Variants in MGMT observed in about 807,000 individuals in gnomAD.
MGMT encodes the protein O-6-methylguanine-DNA methyltransferase, also known as methylated-DNA--protein-cysteine methyltransferase.
A neutral mutation model predicts 15.9 loss-of-function variants in MGMT; 14 were observed. The observed-to-expected ratio is 0.88, with a 90% confidence interval of 0.58 to 1.37. MGMT has a LOEUF of 1.37. MGMT is among the 40% of genes most tolerant of loss of function. MGMT has a pLI of 0.00. For missense variants in MGMT, 282 were observed against 268.1 expected, an observed-to-expected ratio of 1.05 and a Z score of -0.36; for synonymous variants, 130 against 118.2, an observed-to-expected ratio of 1.10 and a Z score of -0.65.
At chr10:129,747,105 T>C (rs1198126640) in intron 3 of MGMT, among the ~76,000 whole-genome samples, 4 of 152,230 alleles carry the variant, frequency 2.6e-5, no homozygotes, top group Non-Finnish European at 4.4e-5. Flanking sequence ...CAGTGGTATA[T>C]AGAAAGGTGA....
chr10:129,744,951 G>A lies in MGMT; in HGVS notation c.275-14251G>A, dbSNP rs573503780. Among the ~76,000 whole-genome samples the A allele has an allele frequency of 1.6e-4, 24 of 152,284 alleles. 1 individual carries two copies. In the South Asian group the frequency reaches 3.3e-3, roughly 21 times the overall value. On this transcript the variant is annotated intron_variant, in intron 3 of 4. Transcript: ENST00000651593. The stretch of plus-strand genomic sequence containing the variant: ...TTCACCCAGTAGGCGCTTACTGTAT[G>A]TCTACTCTAGGTCATCCACAGTGCT...
intron 4 of MGMT, among the ~76,000 whole-genome samples, chr10:129,765,009 A>G (rs1013136994): frequency 6.6e-6 from 1 of 152,110 alleles, no homozygotes; most frequent in African/African-American, 2.4e-5. Context: ...AGAACCTTCC[A>G]GAGCGAGCTT....
At chr10:129,584,556 T>A (rs1846596970) in intron 2 of MGMT, among the ~76,000 whole-genome samples, 1 of 152,076 alleles carries the variant, frequency 6.6e-6, no homozygotes, top group African/African-American at 2.4e-5. Context: ...GTGTCCATCA[T>A]CACAGTGTAA....
At chr10:129,681,692 C>T (rs945098702) in intron 2 of MGMT, among the ~76,000 whole-genome samples, 7 of 151,992 alleles carry the variant, frequency 4.6e-5, no homozygotes, top group African/African-American at 1.7e-4. Context: ...ATATGAAAAC[C>T]GTGTATATGG....
intron 2 of MGMT, among the ~76,000 whole-genome samples, chr10:129,669,193 T>C (rs1445466924): frequency 6.6e-6 from 1 of 152,184 alleles, no homozygotes; most frequent in African/African-American, 2.4e-5. Flanking sequence ...TATTTTGTTT[T>C]ACTGCAATTT....
intron 2 of MGMT, among the ~76,000 whole-genome samples, chr10:129,635,736 A>G (rs1847257757): frequency 6.6e-6 from 1 of 152,216 alleles, no homozygotes; most frequent in Non-Finnish European, 1.5e-5. Flanking sequence ...GGGAGCCACT[A>G]GTGGTCACCT....
At chr10:129,763,063 A>C (rs1185257731) in intron 4 of MGMT, among the ~76,000 whole-genome samples, 3 of 152,214 alleles carry the variant, frequency 2.0e-5, no homozygotes, top group African/African-American at 7.2e-5. Flanking sequence ...AGGCCCCTTC[A>C]TGTTATTTTT....
chr10:129,535,992 G>GAATCGGGATACAGTA (rs1845979548), intron 1 of MGMT, among the ~76,000 whole-genome samples: 1 of 152,194 alleles, frequency 6.6e-6, no homozygotes, highest in Non-Finnish European at 1.5e-5. Context: ...TAAACGAGAA[G>GAATCGGGATACAGTA]AATCGGGATA....
chr10:129,712,531 G>A (rs78256753), intron 3 of MGMT, among the ~76,000 whole-genome samples: 3,825 of 152,074 alleles, frequency 0.025, 157 homozygotes, highest in African/African-American at 0.087. Flanking sequence ...TGTCTCCATC[G>A]AATTCCTCAT....
chr10:129,516,884 G>A (rs932945631), intron 1 of MGMT, among the ~76,000 whole-genome samples: 1 of 152,180 alleles, frequency 6.6e-6, no homozygotes, highest in Non-Finnish European at 1.5e-5. Context: ...ATGGAAATCC[G>A]CCATCGGTGA....
intron 2 of MGMT, among the ~76,000 whole-genome samples, chr10:129,537,581 A>T (rs1846000047): frequency 1.3e-5 from 2 of 151,778 alleles, no homozygotes; most frequent in Admixed American, 1.3e-4. Flanking sequence ...TTCTTTTGGG[A>T]AAAAGGTACA....
In MGMT at chr10:129,641,558, G is replaced by A. The variant is rs542880720; in HGVS notation, c.126-66337G>A. On this transcript the variant is annotated intron_variant, in intron 2 of 4. Transcript: ENST00000651593. The stretch of plus-strand genomic sequence containing the variant: ...CCTTCAAGAATGGTCATTAAATTCT[G>A]GATTTCACAGTTTCTTTTAGTTCGT... 3.9e-5 allele frequency among the ~76,000 whole-genome samples: 6 copies of A among 152,228 alleles called. No individual in the cohort carries two copies. In the East Asian group the frequency reaches 7.7e-4, roughly 20 times the overall value.
At chr10:129,698,744 T>C (rs936098278) in intron 2 of MGMT, among the ~76,000 whole-genome samples, 10 of 152,232 alleles carry the variant, frequency 6.6e-5, no homozygotes, top group Non-Finnish European at 1.3e-4. Context: ...AGGGGCCAAA[T>C]TGAGACTGGA....
At chr10:129,570,273 C>T (rs548588647) in intron 2 of MGMT, among the ~76,000 whole-genome samples, 1 of 152,248 alleles carries the variant, frequency 6.6e-6, no homozygotes, top group African/African-American at 2.4e-5. Flanking sequence ...TTTTGTTGTT[C>T]AAGAAATCCT....
intron 3 of MGMT, among the ~76,000 whole-genome samples, chr10:129,738,155 C>G (rs540055468): frequency 1.3e-5 from 2 of 152,330 alleles, no homozygotes; most frequent in Non-Finnish European, 2.9e-5. Flanking sequence ...CCCCAAGCCT[C>G]GCTGCCACCT....
chr10:129,524,055 A>G (rs938834444), intron 1 of MGMT, among the ~76,000 whole-genome samples: 3 of 152,180 alleles, frequency 2.0e-5, no homozygotes, highest in African/African-American at 7.2e-5. Flanking sequence ...GAGAAGGTGC[A>G]CTGGTACCTA....
intron 1 of MGMT, among the ~76,000 whole-genome samples, chr10:129,529,540 G>T (rs984935202): frequency 6.6e-6 from 1 of 152,192 alleles, no homozygotes; most frequent in African/African-American, 2.4e-5. Context: ...TTCCTAACAG[G>T]CCACGGACTG....
chr10:129,482,870 G>A (rs1292159679), intron 1 of MGMT, among the ~76,000 whole-genome samples: 1 of 152,132 alleles, frequency 6.6e-6, no homozygotes, highest in African/African-American at 2.4e-5. Context: ...TAAAATTGGA[G>A]TATTTAGACC....
Position 129,767,186 on chromosome 10 carries a change from T to C in MGMT, c.*189T>C. On this transcript the variant is annotated 3_prime_UTR_variant, in exon 5 of 5. Coordinates refer to ENST00000651593, the MANE Select transcript of MGMT (RefSeq NM_002412.5). ...CGCGGTCCTGCACACATTTGTTTCC[T>C]TCTCTAACGCTGCCCTTGCTCTATT... 1 of 534,518 alleles carries C rather than the reference T, an allele frequency of 1.9e-6. No homozygotes were observed. The highest frequency in any genetic ancestry group is 3.3e-6 in the Non-Finnish European group (1 of 306,290). The allele number at this position is 534,518 out of a possible 1,614,324, so 33.1% of individuals were successfully genotyped here.
Sources: allele counts gnomAD v4.1 joint callset (sites outside exome capture counted in the v4.1 genomes callset), GRCh38; gene constraint gnomAD v4.1.1; transcripts MANE v1.5; gene names NCBI Gene and HGNC (gene_info 2026-07-23, HGNC 2026-07-21).